PAK5: variants seen among roughly 807,000 people sequenced by gnomAD.
PAK5 encodes serine/threonine-protein kinase PAK 5.
A neutral mutation model predicts 65.9 loss-of-function variants in PAK5; 16 were observed. The ratio of observed to expected loss-of-function variants is 0.24; its 90% confidence interval spans 0.16 to 0.37. The LOEUF is 0.37. PAK5 is among the 10% of genes least tolerant of loss of function. PAK5 has a pLI of 1.00. For missense variants in PAK5, 785 were observed against 903.9 expected, an observed-to-expected ratio of 0.87 and a Z score of 1.69; for synonymous variants, 371 against 354.9, an observed-to-expected ratio of 1.05 and a Z score of -0.51.
At chr20:9,664,235 A>G (rs2047383096) in intron 2 of PAK5, among the ~76,000 whole-genome samples, 1 of 152,144 alleles carries the variant, frequency 6.6e-6, no homozygotes, top group Non-Finnish European at 1.5e-5. Context: ...CCTAACCAAG[A>G]GTGTAGAGCT....
intron 3 of PAK5, among the ~76,000 whole-genome samples, chr20:9,609,502 T>C (rs562346314): frequency 6.6e-6 from 1 of 152,298 alleles, no homozygotes; most frequent in South Asian, 2.1e-4. Context: ...AGATGCAAAC[T>C]CTTCCTTTCC....
intron 3 of PAK5, 92 bp downstream of exon 3, chr20:9,644,033 A>T: frequency 1.1e-6 from 1 of 872,476 alleles, no homozygotes; most frequent in Non-Finnish European, 1.9e-6. Flanking sequence ...TATGTGGTTT[A>T]GGCATTTTAT....
chr20:9,571,399 T>C (rs2045778255), intron 4 of PAK5, among the ~76,000 whole-genome samples: 1 of 152,196 alleles, frequency 6.6e-6, no homozygotes, highest in Admixed American at 6.5e-5. Context: ...ATTTTGTGGT[T>C]GATAAAATAG....
chr20:9,640,277 G>A (rs1303070489), intron 3 of PAK5, among the ~76,000 whole-genome samples: 6 of 131,832 alleles, frequency 4.6e-5, no homozygotes, highest in Non-Finnish European at 7.6e-5. Flanking sequence ...TGTTCTTATT[G>A]TTCACTTCCC....
At position 9,656,362 on chromosome 20, in the gene PAK5, T is replaced by G. The variant is rs112660118; in HGVS notation, c.-11-12023A>C. Reference sequence around the variant, plus strand: ...CAAGCAGACAGCACACAGGGTGAGATCAGCAGCATGTGACAGGAATGCATC... The same window carrying G: ...CAAGCAGACAGCACACAGGGTGAGAGCAGCAGCATGTGACAGGAATGCATC... On this transcript the variant is annotated intron_variant, in intron 2 of 9. Coordinates refer to ENST00000353224, the MANE Select transcript of PAK5 (RefSeq NM_177990.4). 5.9e-4 allele frequency among the ~76,000 whole-genome samples: 89 copies of G among 152,120 alleles called. 1 individual carries two copies. The highest frequency in any genetic ancestry group is 3.4e-3 in the Middle Eastern group (1 of 294).
intron 1 of PAK5, among the ~76,000 whole-genome samples, chr20:9,781,294 T>TAAAGAAATGG (rs2048938020): frequency 6.6e-6 from 1 of 152,100 alleles, no homozygotes; most frequent in South Asian, 2.1e-4. Context: ...AAATAAGGTA[T>TAAAGAAATGG]AAAGAAATGG....
chr20:9,808,942 T>C (rs77807582), intron 1 of PAK5, among the ~76,000 whole-genome samples: 2,065 of 152,262 alleles, frequency 0.014, 37 homozygotes, highest in African/African-American at 0.048. Flanking sequence ...CAGAAGGTAA[T>C]GCAATCTGGG....
intron 4 of PAK5, among the ~76,000 whole-genome samples, chr20:9,570,258 G>A (rs2045755247): frequency 6.6e-6 from 1 of 152,008 alleles, no homozygotes; most frequent in Non-Finnish European, 1.5e-5. Context: ...AAAATAAATA[G>A]TAACTGCAAT....
chr20:9,544,593 G>T, intron 7 of PAK5, 99 bp from the exon 8 acceptor site: 1 of 1,145,284 alleles, frequency 8.7e-7, no homozygotes, highest in Non-Finnish European at 1.3e-6. Context: ...AAACAAAACA[G>T]TCTCATCAAC....
intron 2 of PAK5, among the ~76,000 whole-genome samples, chr20:9,662,606 T>C (rs1280627573): frequency 6.6e-6 from 1 of 152,094 alleles, no homozygotes; most frequent in East Asian, 1.9e-4. Context: ...AACTTCAAGG[T>C]AGAAGGAGCC....
intron 4 of PAK5, among the ~76,000 whole-genome samples, chr20:9,578,864 C>T (rs143616361): frequency 4.0e-5 from 6 of 151,460 alleles, no homozygotes; most frequent in East Asian, 1.9e-4. Flanking sequence ...ATTAATACCA[C>T]GAGATAAAAA....
chr20:9,672,530 T>G (rs2123372916), intron 2 of PAK5, among the ~76,000 whole-genome samples: 1 of 151,728 alleles, frequency 6.6e-6, no homozygotes, highest in Non-Finnish European at 1.5e-5. Flanking sequence ...AAAGGGGAGT[T>G]CCCCTGTACA....
At chr20:9,541,658 C>G (rs1464386275) in intron 9 of PAK5, among the ~76,000 whole-genome samples, 2 of 152,104 alleles carry the variant, frequency 1.3e-5, no homozygotes, top group Non-Finnish European at 2.9e-5. Flanking sequence ...TCGTTTGATC[C>G]CTCCCTAGAA....
Position 9,738,345 on chromosome 20 carries a change from C to G in PAK5, c.-161-26910G>C, listed in dbSNP as rs1370364341. ...TACACCAGAGAAATAAAAGCATATT[C>G]CCATACAAAGGCTTATATACACATT... is the stretch of plus-strand genomic sequence containing the variant. On this transcript the variant is annotated intron_variant, in intron 1 of 9. Transcript: ENST00000353224. 2.6e-5 allele frequency among the ~76,000 whole-genome samples: 4 copies of G among 152,118 alleles called. No individual in the cohort carries two copies. The East Asian group carries it at 7.7e-4, about 29-fold the overall frequency.
chr20:9,550,302 G>A (rs1384155908), intron 7 of PAK5, among the ~76,000 whole-genome samples: 1 of 152,186 alleles, frequency 6.6e-6, no homozygotes, highest in Non-Finnish European at 1.5e-5. Flanking sequence ...GCAGAGGTGA[G>A]CCCCTGGACA....
At chr20:9,587,867 T>C (rs1430231590) in intron 3 of PAK5, among the ~76,000 whole-genome samples, 1 of 152,138 alleles carries the variant, frequency 6.6e-6, no homozygotes, top group Non-Finnish European at 1.5e-5. Context: ...TATATGTATA[T>C]ACATACATAT....
chr20:9,807,740 C>T lies in PAK5; in HGVS notation c.-162+31022G>A, dbSNP rs116250255. On this transcript the variant is annotated intron_variant, in intron 1 of 9. Coordinates refer to ENST00000353224, the MANE Select transcript of PAK5 (RefSeq NM_177990.4). The stretch of plus-strand genomic sequence containing the variant: ...GTCAATGCAAAGTGGGCAACAGTAA[C>T]GACTCCCTTCCAGCAAAAAATAAAT... Among the ~76,000 whole-genome samples, 952 of 128,172 alleles carry T rather than the reference C, an allele frequency of 7.4e-3. 13 individuals carry two copies. The highest frequency in any genetic ancestry group is 0.025 in the African/African-American group (885 of 35,090). The allele number at this position is 128,172 out of a possible 152,430, so 84.1% of individuals were successfully genotyped here. A position where few individuals can be genotyped will look rare whatever the true frequency, so the allele number is the denominator to read the frequency against.
At chr20:9,695,188 T>C (rs750448360) in intron 2 of PAK5, among the ~76,000 whole-genome samples, 11 of 152,096 alleles carry the variant, frequency 7.2e-5, no homozygotes, top group Non-Finnish European at 1.6e-4. Context: ...TTGTGAAATA[T>C]CTGTTCAAGT....
At chr20:9,820,575 C>T (rs1200646430) in intron 1 of PAK5, among the ~76,000 whole-genome samples, 2 of 152,162 alleles carry the variant, frequency 1.3e-5, no homozygotes, top group East Asian at 1.9e-4. Flanking sequence ...AGCAACTGTA[C>T]GTGGAAGGTG....
Sources: allele counts gnomAD v4.1 joint callset (sites outside exome capture counted in the v4.1 genomes callset), GRCh38; gene constraint gnomAD v4.1.1; transcripts MANE v1.5; gene names NCBI Gene and HGNC (gene_info 2026-07-23, HGNC 2026-07-21).